Variants in XXYLT1 observed in about 807,000 individuals in gnomAD.
XXYLT1 encodes the protein xyloside xylosyltransferase 1.
Under a neutral mutation model 28.9 loss-of-function variants are expected in XXYLT1, and 20 were observed. That is an observed-to-expected ratio of 0.69 (90% confidence interval 0.49 to 1.00). The LOEUF is 1.00. Among genes scored for constraint, XXYLT1 ranks in the 50% least tolerant of loss-of-function variants. XXYLT1 has a pLI of 0.00. For synonymous variants in XXYLT1, 257 were observed against 253.8 expected (o/e 1.01, Z -0.12); for missense variants, 542 against 560.1 (o/e 0.97, Z 0.33).
intron 2 of XXYLT1, among the ~76,000 whole-genome samples, chr3:195,183,919 C>A (rs1371172133): frequency 6.6e-6 from 1 of 152,234 alleles, no homozygotes; most frequent in Admixed American, 6.5e-5. Flanking sequence ...ATGTGATCCA[C>A]TTGGCTGCCC....
chr3:195,174,883 G>C (rs1721585161), intron 2 of XXYLT1, among the ~76,000 whole-genome samples: 1 of 151,822 alleles, frequency 6.6e-6, no homozygotes, highest in Non-Finnish European at 1.5e-5. Context: ...TGAGAAGCTG[G>C]GTCTACATGA....
intron 1 of XXYLT1, among the ~76,000 whole-genome samples, chr3:195,233,208 G>A (rs575752422): frequency 7.3e-5 from 11 of 151,452 alleles, no homozygotes; most frequent in East Asian, 1.9e-4. Context: ...TTTGGTTTCC[G>A]TTGGCATGAA....
intron 3 of XXYLT1, among the ~76,000 whole-genome samples, chr3:195,127,668 T>G (rs150264514): frequency 0.016 from 2,418 of 152,214 alleles, 30 homozygotes; most frequent in South Asian, 0.026. Context: ...ACCCAGCTAC[T>G]TGGGAGGCTG....
intron 3 of XXYLT1, among the ~76,000 whole-genome samples, chr3:195,134,868 T>TGCGCGCGC (rs200544076): frequency 1.0e-5 from 1 of 100,124 alleles, no homozygotes; most frequent in African/African-American, 4.1e-5. Flanking sequence ...TGTGTGTGTG[T>TGCGCGCGC]GCGTGTGCGC....
At chr3:195,081,834 T>C (rs1038254902) in intron 3 of XXYLT1, among the ~76,000 whole-genome samples, 5 of 152,208 alleles carry the variant, frequency 3.3e-5, no homozygotes, top group South Asian at 2.1e-4. Flanking sequence ...GCCCTGCAAC[T>C]GGTCTACCTG....
At chr3:195,143,818 A>ATATATATATTTTTTTTTTTT (rs1719641203) in intron 3 of XXYLT1, among the ~76,000 whole-genome samples, 1 of 96,312 alleles carries the variant, frequency 1.0e-5, no homozygotes, top group Non-Finnish European at 2.0e-5. Flanking sequence ...ATATATAGAT[A>ATATATATATTTTTTTTTTTT]TAGATATATA....
chr3:195,244,686 C>T (rs1349079496), intron 1 of XXYLT1, among the ~76,000 whole-genome samples: 3 of 136,190 alleles, frequency 2.2e-5, no homozygotes, highest in Non-Finnish European at 4.6e-5. Context: ...GGCGTGAACC[C>T]AGGGGGCAGA....
At chr3:195,241,808 A>G (rs1219673243) in intron 1 of XXYLT1, among the ~76,000 whole-genome samples, 1 of 151,992 alleles carries the variant, frequency 6.6e-6, no homozygotes, top group Non-Finnish European at 1.5e-5. Context: ...ACACATGCGC[A>G]CAACACACAC....
At chr3:195,239,259 TC>T (rs1254478882) in intron 1 of XXYLT1, among the ~76,000 whole-genome samples, 25 of 152,188 alleles carry the variant, frequency 1.6e-4, no homozygotes, top group Admixed American at 4.6e-4. Flanking sequence ...AAACTAACCT[TC>T]CCAAGGATGG....
intron 2 of XXYLT1, among the ~76,000 whole-genome samples, chr3:195,186,087 A>G (rs1433952221): frequency 6.6e-6 from 1 of 152,142 alleles, no homozygotes; most frequent in Non-Finnish European, 1.5e-5. Context: ...GCCTTCTGCT[A>G]CATGATCAAG....
intron 1 of XXYLT1, among the ~76,000 whole-genome samples, chr3:195,268,250 T>G (rs1442161644): frequency 6.6e-6 from 1 of 151,098 alleles, no homozygotes; most frequent in Admixed American, 6.6e-5. Flanking sequence ...GCCAACATGA[T>G]GAAACCCCAT....
intron 1 of XXYLT1, chr3:195,247,756 G>C (rs778444843): frequency 1.4e-6 from 1 of 701,498 alleles, no homozygotes; most frequent in South Asian, 1.5e-5. Context: ...AAGGAAAAGA[G>C]GTTTGATGGA....
intron 2 of XXYLT1, among the ~76,000 whole-genome samples, chr3:195,222,173 G>C (rs1007861309): frequency 1.3e-5 from 2 of 152,248 alleles, no homozygotes; most frequent in Non-Finnish European, 2.9e-5. Context: ...ACAGGGCTGG[G>C]CATGTGTAAG....
Position 195,115,742 on chromosome 3 carries a change from A to G in XXYLT1, c.785+40707T>C, listed in dbSNP as rs765282335. On this transcript the variant is annotated intron_variant, in intron 3 of 3. Coordinates refer to ENST00000310380, the MANE Select transcript of XXYLT1 (RefSeq NM_152531.5). The surrounding 1 kb of genome is among the most constrained non-coding windows in gnomAD (Gnocchi z 4.2). ...GCTGAGGTGTTCACGTCCGAGGTGGAGGAAGGAGGGCGGCAGGTGCAGGCC... is the reference window on the plus strand; with the variant it reads ...GCTGAGGTGTTCACGTCCGAGGTGGGGGAAGGAGGGCGGCAGGTGCAGGCC... Among the ~76,000 whole-genome samples the G allele has an allele frequency of 3.4e-5, 5 of 148,306 alleles. No homozygotes were observed. The highest frequency in any genetic ancestry group is 6.7e-5 in the Admixed American group (1 of 14,998).
intron 2 of XXYLT1, among the ~76,000 whole-genome samples, chr3:195,202,745 G>C (rs1250983241): frequency 6.6e-6 from 1 of 152,218 alleles, no homozygotes; most frequent in South Asian, 2.1e-4. Flanking sequence ...TCTGTATCCA[G>C]AGATAGCCAC....
At chr3:195,245,612 C>G (rs899975207) in intron 1 of XXYLT1, among the ~76,000 whole-genome samples, 1 of 152,148 alleles carries the variant, frequency 6.6e-6, no homozygotes, top group Non-Finnish European at 1.5e-5. Context: ...TGGGAAGAGG[C>G]AGAGAGGATG....
chr3:195,252,728 A>AC (rs56172870), intron 1 of XXYLT1, among the ~76,000 whole-genome samples: 1 of 103,968 alleles, frequency 9.6e-6, no homozygotes, highest in Admixed American at 8.8e-5. Flanking sequence ...ACACACACAC[A>AC]GAGAGAGAGA....
At chr3:195,202,142 A>G (rs1722884089) in intron 2 of XXYLT1, among the ~76,000 whole-genome samples, 1 of 152,060 alleles carries the variant, frequency 6.6e-6, no homozygotes, top group Non-Finnish European at 1.5e-5. Context: ...GTGCCACTGC[A>G]CTCCTGCCTG....
intron 3 of XXYLT1, among the ~76,000 whole-genome samples, chr3:195,090,362 G>A (rs1227996451): frequency 1.3e-5 from 2 of 151,290 alleles, no homozygotes; most frequent in African/African-American, 2.5e-5. Context: ...TAGAACTCAG[G>A]ATTAAGAATC....
Sources: gnomAD v4.1 joint callset for allele counts (sites outside exome capture counted in the v4.1 genomes callset) on GRCh38, gnomAD v4.1.1 for gene constraint, Gnocchi (gnomAD v3.1) non-coding constraint, MANE v1.5 for transcripts, NCBI Gene and HGNC (gene_info 2026-07-23, HGNC 2026-07-21) for gene names.